PCDHA5: variants seen among roughly 807,000 people sequenced by gnomAD.
PCDHA5 encodes protocadherin alpha 5.
PCDHA5 carries 43 observed loss-of-function variants against 61.6 expected under a neutral mutation model. The ratio of observed to expected loss-of-function variants is 0.70; its 90% CI spans 0.55 to 0.90. The LOEUF is 0.90. PCDHA5 is among the 40% of genes least tolerant of loss of function. PCDHA5 has a pLI of 0.00. For synonymous variants in PCDHA5, 627 were observed against 543.9 expected, an observed-to-expected ratio of 1.15 and a Z score of -2.13; for missense variants, 1,298 against 1,222.7, an observed-to-expected ratio of 1.06 and a Z score of -0.92.
chr5:140,877,324 G>C (rs782336745), intron 1 of PCDHA5: 3 of 1,613,990 alleles, frequency 1.9e-6, no homozygotes, highest in Non-Finnish European at 2.5e-6. Context: ...GGCGGTCGGC[G>C]CGCACATCCC....
intron 1 of PCDHA5, among the ~76,000 whole-genome samples, chr5:140,880,215 G>A (rs944497497): frequency 3.3e-5 from 5 of 152,162 alleles, no homozygotes; most frequent in Non-Finnish European, 5.9e-5. Context: ...TCCACCAGAA[G>A]TAGAACATTT....
rs2098422801 is a variant in PCDHA5, at chr5:141,012,055, C to T, written c.*2118C>T. On this transcript the variant is annotated 3_prime_UTR_variant, in exon 4 of 4. Coordinates refer to ENST00000529859, the MANE Select transcript of PCDHA5 (RefSeq NM_018908.3). ...GGATTGCATGGGGTAAAACTTGTTA[C>T]CAACACATGTGAACCATTGCTACAT... The T allele has an allele frequency of 6.5e-6, 1 of 153,666 alleles. No individual in the cohort carries two copies. Among genetic ancestry groups the T allele is most frequent in the African/African-American group, 2.4e-5 (1 of 41,404 alleles). 9.5% of individuals were successfully genotyped at this position (153,666 alleles called of 1,614,324 possible).
chr5:140,951,021 G>A (rs960559037), intron 1 of PCDHA5, among the ~76,000 whole-genome samples: 1 of 151,932 alleles, frequency 6.6e-6, no homozygotes, highest in Non-Finnish European at 1.5e-5. Context: ...CAGGCAGTGA[G>A]TTTTAATTTC....
At chr5:140,924,208 G>T (rs1197265860) in intron 1 of PCDHA5, among the ~76,000 whole-genome samples, 1 of 152,238 alleles carries the variant, frequency 6.6e-6, no homozygotes, top group Non-Finnish European at 1.5e-5. Flanking sequence ...GAAATTTGGT[G>T]AAGAATAAGT....
At chr5:140,896,661 G>A (rs553525837) in intron 1 of PCDHA5, among the ~76,000 whole-genome samples, 1 of 152,220 alleles carries the variant, frequency 6.6e-6, no homozygotes. Context: ...ACAGGCATGA[G>A]TCACTGTGCC....
At chr5:140,942,406 G>GT (rs1554214961) in intron 1 of PCDHA5, among the ~76,000 whole-genome samples, 2 of 149,658 alleles carry the variant, frequency 1.3e-5, no homozygotes, top group South Asian at 2.1e-4. Flanking sequence ...ATGAGACTCT[G>GT]TTTAAAAAAA....
chr5:140,890,632 T>C (rs561301430), intron 1 of PCDHA5, among the ~76,000 whole-genome samples: 28 of 152,330 alleles, frequency 1.8e-4, no homozygotes, highest in African/African-American at 6.0e-4. Context: ...ATTAAGCATG[T>C]ATCCTTGATA....
intron 1 of PCDHA5, among the ~76,000 whole-genome samples, chr5:140,847,151 G>C (rs1780878525): frequency 6.7e-6 from 1 of 149,540 alleles, no homozygotes; most frequent in Non-Finnish European, 1.5e-5. Flanking sequence ...AAGATCTCTT[G>C]ATTTCTGAGT....
intron 1 of PCDHA5, among the ~76,000 whole-genome samples, chr5:140,954,151 A>G (rs2094989173): frequency 6.6e-6 from 1 of 152,226 alleles, no homozygotes; most frequent in Admixed American, 6.5e-5. Context: ...TCCATGGTGT[A>G]TATGTACCAC....
rs2150326253 is a variant in PCDHA5 at position 140,841,946 on chromosome 5, C to A, written c.2352+17819C>A. 13 of 1,613,790 alleles carry A rather than the reference C, an allele frequency of 8.1e-6. No homozygotes were observed. The highest frequency in any genetic ancestry group is 2.7e-5 in the African/African-American group (2 of 74,876). ...GGACAGAGAGGACGCTCCTGCGCAC[C>A]ACTTATTCCTGACAGCCACAGATGG... On this transcript the variant is annotated intron_variant, in intron 1 of 3. Coordinates refer to ENST00000529859, the MANE Select transcript of PCDHA5 (RefSeq NM_018908.3).
intron 1 of PCDHA5, among the ~76,000 whole-genome samples, chr5:140,833,392 A>G (rs1162626045): frequency 6.6e-6 from 1 of 152,232 alleles, no homozygotes; most frequent in Admixed American, 6.5e-5. Context: ...GAAATACCTC[A>G]AGACTTGATC....
chr5:140,828,281 T>G lies in PCDHA5; in HGVS notation c.2352+4154T>G, dbSNP rs143573134. 144 of 1,613,970 alleles carry G rather than the reference T, an allele frequency of 8.9e-5. No homozygotes were observed. Among genetic ancestry groups the G allele is most frequent in the Non-Finnish European group, 1.2e-4 (139 of 1,180,050 alleles). On this transcript the variant is annotated intron_variant, in intron 1 of 3. Transcript: ENST00000529859. ...GCTGGCGGAGCTGGTGCCGCGCCTG[T>G]TCAGGATGGCCTCCAAAGACCGCGA... is the stretch of plus-strand genomic sequence containing the variant.
intron 3 of PCDHA5, among the ~76,000 whole-genome samples, chr5:140,985,840 T>C (rs1441638586): frequency 2.0e-5 from 3 of 149,512 alleles, no homozygotes; most frequent in African/African-American, 7.4e-5. Flanking sequence ...CCCGGGTTCA[T>C]GCCACTCTCC....
chr5:140,933,032 G>A (rs1425582468), intron 1 of PCDHA5, among the ~76,000 whole-genome samples: 1 of 152,016 alleles, frequency 6.6e-6, no homozygotes, highest in Non-Finnish European at 1.5e-5. Flanking sequence ...AGAACTTCAA[G>A]TGAATATGGA....
chr5:140,836,207 G>C (rs1227998553), intron 1 of PCDHA5: 74 of 1,613,726 alleles, frequency 4.6e-5, no homozygotes, highest in Non-Finnish European at 5.7e-5. Flanking sequence ...CGTGGCTTTC[G>C]TATGAGTTGC....
At chr5:140,829,891 C>T (rs1554132360) in intron 1 of PCDHA5, 6 of 1,613,952 alleles carry the variant, frequency 3.7e-6, no homozygotes, top group Admixed American at 1.7e-5. Flanking sequence ...TTGACGCCGA[C>T]TCAGGCTACA....
chr5:140,883,226 G>A, intron 1 of PCDHA5: 2 of 1,613,938 alleles, frequency 1.2e-6, no homozygotes, highest in South Asian at 1.1e-5. Flanking sequence ...TGAAATATCC[G>A]TGGAGGCAGT....
At chr5:140,886,501 T>C (rs1171128056) in intron 1 of PCDHA5, among the ~76,000 whole-genome samples, 1 of 152,108 alleles carries the variant, frequency 6.6e-6, no homozygotes, top group Non-Finnish European at 1.5e-5. Flanking sequence ...TCTTTTTCCT[T>C]TTATGGATTT....
intron 1 of PCDHA5, among the ~76,000 whole-genome samples, chr5:140,831,824 C>G (rs1771719892): frequency 6.6e-6 from 1 of 152,140 alleles, no homozygotes; most frequent in African/African-American, 2.4e-5. Context: ...ATGATAAACA[C>G]TAGTTTCAAT....
Sources: allele counts gnomAD v4.1 joint callset (sites outside exome capture counted in the v4.1 genomes callset), GRCh38; gene constraint gnomAD v4.1.1; transcripts MANE v1.5; gene names NCBI Gene and HGNC (gene_info 2026-07-23, HGNC 2026-07-21).